DEF6: variants seen among roughly 807,000 people sequenced by gnomAD.
DEF6 encodes DEF6 guanine nucleotide exchange factor, also known as differentially expressed in FDCP 6 homolog.
Under a neutral mutation model 80.5 loss-of-function variants are expected in DEF6, and 32 were observed. The ratio of observed to expected loss-of-function variants is 0.40; its 90% CI spans 0.30 to 0.53. The LOEUF is 0.53. Among genes scored for constraint, DEF6 ranks in the 20% least tolerant of loss-of-function variants. The pLI is 0.57. For synonymous variants in DEF6, 300 were observed against 337.9 expected, an observed-to-expected ratio of 0.89 and a Z score of 1.23; for missense variants, 575 against 818.7, an observed-to-expected ratio of 0.70 and a Z score of 3.63.
intron 5 of DEF6, among the ~76,000 whole-genome samples, chr6:35,317,352 G>A (rs958139911): frequency 2.0e-5 from 3 of 152,232 alleles, no homozygotes; most frequent in African/African-American, 4.8e-5. Context: ...GTGGAGTGAA[G>A]ATAATGATGC....
At chr6:35,314,988 G>T (rs1033022562) in intron 5 of DEF6, among the ~76,000 whole-genome samples, 8 of 152,078 alleles carry the variant, frequency 5.3e-5, no homozygotes, top group African/African-American at 1.9e-4. Context: ...ATCTGCATGT[G>T]GTTATTTAGT....
intron 9 of DEF6, 55 bp downstream of exon 9, chr6:35,320,072 C>T (rs934935943): frequency 6.6e-6 from 10 of 1,515,810 alleles, no homozygotes; most frequent in Non-Finnish European, 8.0e-6. Context: ...CATTAGGGCA[C>T]AGGCTCTGGA....
intron 1 of DEF6, among the ~76,000 whole-genome samples, chr6:35,300,068 C>T (rs1411622626): frequency 3.9e-5 from 6 of 152,196 alleles, no homozygotes; most frequent in Non-Finnish European, 7.3e-5. Context: ...ATCACTCATG[C>T]TGGAGTGCAG....
chr6:35,306,832 C>T (rs1313751650), intron 1 of DEF6, among the ~76,000 whole-genome samples: 1 of 152,186 alleles, frequency 6.6e-6, no homozygotes, highest in African/African-American at 2.4e-5. Flanking sequence ...CACTATGCAC[C>T]AGGTACTCTT....
In DEF6 at chr6:35,309,654, C is replaced by G. The variant is rs192314624; in HGVS notation, c.97-16C>G. The G allele has an allele frequency of 1.7e-4, 274 of 1,611,862 alleles. No homozygotes were observed. Among genetic ancestry groups the G allele is most frequent in the Middle Eastern group, 5.0e-4 (3 of 6,050 alleles). On this transcript the variant is annotated splice_polypyrimidine_tract_variant and intron_variant, in intron 1 of 10. Transcript: ENST00000316637. ...TGGGGTGCAGAAAGACACACTGCCA[C>G]TCTACTCTATCCCAGGTGCTGTCCC...
rs1277970439 is a variant in DEF6 at position 35,321,193 on chromosome 6, G to A, written c.1679G>A (p.Arg560His). Residue 560 changes from arginine (R) to histidine (H), a missense_variant, in exon 11 of 11, where the codon CGT becomes CAT. By Grantham distance (29) the Arg-to-His change is conservative (BLOSUM62 0). Transcript: ENST00000316637. ...LMHPIEPGDK[R>H]PVTSSSFSGF... ...CCTGCCTTCTCTCTGCCAGATAAGCGTCCGGTCACCAGCAGCTCCTTCTCA... is the reference window on the plus strand; with the variant it reads ...CCTGCCTTCTCTCTGCCAGATAAGCATCCGGTCACCAGCAGCTCCTTCTCA... 7.4e-6 allele frequency: 12 copies of A among 1,611,992 alleles called. No individual in the cohort carries two copies. Among genetic ancestry groups the A allele is most frequent in the Non-Finnish European group, 1.0e-5 (12 of 1,179,806 alleles).
At chr6:35,304,793 C>T (rs1168560291) in intron 1 of DEF6, among the ~76,000 whole-genome samples, 1 of 151,984 alleles carries the variant, frequency 6.6e-6, no homozygotes, top group Non-Finnish European at 1.5e-5. Flanking sequence ...CTCACACAAA[C>T]AGTGAACAGC....
At position 35,297,845 on chromosome 6, in the gene DEF6, G is replaced by A; in HGVS notation, c.-12G>A. The A allele has an allele frequency of 6.3e-7, 1 of 1,583,794 alleles. No homozygotes were observed. Among genetic ancestry groups the A allele is most frequent in the South Asian group, 1.2e-5 (1 of 86,914 alleles). On this transcript the variant is annotated 5_prime_UTR_variant, in exon 1 of 11. Transcript: ENST00000316637. ...TGTCAGAGCCGCCCCCAGCCGGGCG[G>A]GCGCCTCAGCCATGGCCCTGCGCAA...
At chr6:35,309,332 A>G (rs1371273418) in intron 1 of DEF6, among the ~76,000 whole-genome samples, 2 of 152,186 alleles carry the variant, frequency 1.3e-5, no homozygotes, top group Non-Finnish European at 2.9e-5. Context: ...GAGGACACCA[A>G]TACCTAATGA....
intron 5 of DEF6, chr6:35,313,518 G>T (rs781480647): frequency 2.3e-5 from 7 of 307,860 alleles, no homozygotes; most frequent in African/African-American, 4.6e-5. Flanking sequence ...ATTGTAAACT[G>T]TAGCCACCCT....
At position 35,319,091 on chromosome 6, in the gene DEF6, C is replaced by G. The variant is rs1408464942; in HGVS notation, c.1216-433C>G. On this transcript the variant is annotated intron_variant, in intron 7 of 10. Coordinates refer to ENST00000316637, the MANE Select transcript of DEF6 (RefSeq NM_022047.4). The surrounding 1 kb of genome is among the most constrained non-coding windows in gnomAD (Gnocchi z 4.5). ...ACGGTGAGGATTAAATGAGGAAACA[C>G]TTGTAGTGTCCAGTAACTTTTTGTT... is the stretch of plus-strand genomic sequence containing the variant. Among the ~76,000 whole-genome samples, 1 of 151,972 alleles carries G rather than the reference C, an allele frequency of 6.6e-6. No homozygotes were observed. Among genetic ancestry groups the G allele is most frequent in the African/African-American group, 2.4e-5 (1 of 41,338 alleles).
chr6:35,317,726 A>C, intron 5 of DEF6, 165 bp from the exon 6 acceptor site: 1 of 550,744 alleles, frequency 1.8e-6, no homozygotes, highest in Non-Finnish European at 3.2e-6. Context: ...GTGGGGACTT[A>C]AGTCCCCCAT....
chr6:35,316,926 A>G (rs1361430989), intron 5 of DEF6, among the ~76,000 whole-genome samples: 1 of 152,200 alleles, frequency 6.6e-6, no homozygotes, highest in Non-Finnish European at 1.5e-5. Flanking sequence ...TGTCTCCATG[A>G]ATTTGCCTTT....
intron 1 of DEF6, among the ~76,000 whole-genome samples, chr6:35,302,262 G>A (rs945800425): frequency 2.0e-5 from 3 of 152,122 alleles, no homozygotes; most frequent in East Asian, 1.9e-4. Context: ...TGGAGGCTGA[G>A]GTGGAAGGAT....
At chr6:35,302,350 T>C (rs899657009) in intron 1 of DEF6, among the ~76,000 whole-genome samples, 1 of 152,020 alleles carries the variant, frequency 6.6e-6, no homozygotes, top group African/African-American at 2.4e-5. Flanking sequence ...TAGAGTGAGA[T>C]TCTTTCTTAA....
intron 1 of DEF6, among the ~76,000 whole-genome samples, chr6:35,306,675 A>T (rs1291065294): frequency 6.6e-6 from 1 of 152,268 alleles, no homozygotes; most frequent in East Asian, 1.9e-4. Flanking sequence ...CTAGTTTCAT[A>T]TAATTCGACC....
At chr6:35,300,632 C>T (rs1406620358) in intron 1 of DEF6, among the ~76,000 whole-genome samples, 1 of 152,204 alleles carries the variant, frequency 6.6e-6, no homozygotes, top group Non-Finnish European at 1.5e-5. Flanking sequence ...ACAATGGCTT[C>T]ATCCAGTTGG....
chr6:35,300,854 C>T (rs1266847618), intron 1 of DEF6, among the ~76,000 whole-genome samples: 1 of 152,178 alleles, frequency 6.6e-6, no homozygotes, highest in Non-Finnish European at 1.5e-5. Flanking sequence ...AACACACCCT[C>T]TTACCCAGGG....
At chr6:35,306,072 T>G (rs956433565) in intron 1 of DEF6, among the ~76,000 whole-genome samples, 5 of 151,044 alleles carry the variant, frequency 3.3e-5, no homozygotes, top group Non-Finnish European at 7.4e-5. Context: ...TTTAGTATTT[T>G]TAGTAGAGAC....
Sources: allele counts gnomAD v4.1 joint callset (sites outside exome capture counted in the v4.1 genomes callset), GRCh38; gene constraint gnomAD v4.1.1; non-coding constraint Gnocchi (gnomAD v3.1); transcripts MANE v1.5; gene names NCBI Gene and HGNC (gene_info 2026-07-23, HGNC 2026-07-21).